The following IPPK variants were observed in gnomAD, a reference collection of about 807,000 sequenced individuals.
IPPK encodes the protein IPK1 homolog.
In IPPK, 22 loss-of-function variants were observed where a neutral mutation model predicts 64.6. The observed-to-expected ratio is 0.34, with a 90% confidence interval of 0.24 to 0.49. The LOEUF is 0.49. Ranked by LOEUF, IPPK falls within the 20% of genes least tolerant of loss-of-function variation. The pLI, the probability that IPPK is intolerant of heterozygous loss-of-function variation, is 0.99. For missense variants in IPPK, 532 were observed against 630.7 expected (o/e 0.84, Z 1.68); for synonymous variants, 262 against 247.2 (o/e 1.06, Z -0.56).
chr9:92,641,565 C>G (rs866477301), intron 7 of IPPK, among the ~76,000 whole-genome samples: 7 of 152,354 alleles, frequency 4.6e-5, no homozygotes, highest in Middle Eastern at 3.4e-3. Flanking sequence ...CCACATGGGA[C>G]CCACAGGTGA....
chr9:92,637,963 C>T (rs774589119), intron 9 of IPPK, 38 bp downstream of exon 9: 14 of 1,485,466 alleles, frequency 9.4e-6, no homozygotes, highest in Middle Eastern at 2.2e-4. Context: ...AAGGCCCCTG[C>T]GGCCCCCACC....
intron 4 of IPPK, among the ~76,000 whole-genome samples, chr9:92,652,204 C>T (rs1002785264): frequency 2.0e-5 from 3 of 152,002 alleles, no homozygotes; most frequent in Non-Finnish European, 2.9e-5. Context: ...AATCCCAGCA[C>T]TTTGGGAGGC....
At chr9:92,645,950 T>C (rs1035251609) in intron 6 of IPPK, among the ~76,000 whole-genome samples, 6 of 151,932 alleles carry the variant, frequency 3.9e-5, no homozygotes, top group African/African-American at 1.5e-4. Context: ...GGTAACTACA[T>C]AGGCAAATAT....
At chr9:92,637,410 G>T (rs1851961367) in intron 9 of IPPK, among the ~76,000 whole-genome samples, 1 of 152,232 alleles carries the variant, frequency 6.6e-6, no homozygotes, top group African/African-American at 2.4e-5. Flanking sequence ...AACCATCTCA[G>T]GCTCCCAGAG....
chr9:92,663,040 C>G (rs899341634), intron 1 of IPPK, among the ~76,000 whole-genome samples: 6 of 152,178 alleles, frequency 3.9e-5, no homozygotes, highest in African/African-American at 1.4e-4. Context: ...CGTGAGCACC[C>G]TTCAAGACAT....
At position 92,642,755 on chromosome 9, in the gene IPPK, G is replaced by A; in HGVS notation, c.560C>T (p.Ser187Leu). Residue 187 changes from serine to leucine, a missense_variant, in exon 7 of 13, where the codon TCA (serine) becomes TTA (leucine). By Grantham distance (145) the Ser-to-Leu change is moderately radical. Coordinates refer to ENST00000287996, the MANE Select transcript of IPPK (RefSeq NM_022755.6). ...ISKYCPLDLY[S>L]GNKQRMHFAL... ...CAAAGGAGAAGTGTTCTCTTACCCT[G>A]AGTAGAGATCAAGGGGACAGTATTT... is the stretch of plus-strand genomic sequence containing the variant. 6.2e-7 allele frequency: 1 copy of A among 1,613,764 alleles called. No individual in the cohort carries two copies. Among genetic ancestry groups the A allele is most frequent in the African/African-American group, 1.3e-5 (1 of 75,048 alleles).
chr9:92,652,083 T>C (rs1420329761), intron 4 of IPPK, among the ~76,000 whole-genome samples: 1 of 152,104 alleles, frequency 6.6e-6, no homozygotes, highest in African/African-American at 2.4e-5. Flanking sequence ...TGCTGTGGTT[T>C]TCTGATACAG....
At chr9:92,628,040 G>A (rs1324175063) in intron 11 of IPPK, among the ~76,000 whole-genome samples, 1 of 152,058 alleles carries the variant, frequency 6.6e-6, no homozygotes, top group Non-Finnish European at 1.5e-5. Context: ...TTCTACACCT[G>A]AATACACTTG....
chr9:92,640,645 G>T, intron 8 of IPPK, 65 bp downstream of exon 8: 12 of 1,062,160 alleles, frequency 1.1e-5, no homozygotes, highest in Non-Finnish European at 1.8e-5. Context: ...ACCCTCATCT[G>T]TGAGGTCACT....
At chr9:92,669,057 C>A (rs1852666572) in intron 1 of IPPK, among the ~76,000 whole-genome samples, 1 of 151,838 alleles carries the variant, frequency 6.6e-6, no homozygotes, top group African/African-American at 2.4e-5. Flanking sequence ...AACAATCCCA[C>A]AAAGTGAATT....
rs541224932 is a variant in IPPK at position 92,619,738 on chromosome 9, G to A, written c.1171-173C>T. 1.7e-5 allele frequency: 11 copies of A among 633,016 alleles called. No homozygotes were observed. In the African/African-American group the frequency reaches 1.8e-4, roughly 10 times the overall value. 39.2% of individuals were successfully genotyped at this position (633,016 alleles called of 1,614,324 possible). ...GGCGTCAGGAGGTCGCCCTGTGAGA[G>A]CACCTGGGCCAGCCCTCAGTGCCAC... On this transcript the variant is annotated intron_variant, in intron 11 of 12. Transcript: ENST00000287996.
chr9:92,651,891 C>G (rs946233934), intron 4 of IPPK, among the ~76,000 whole-genome samples: 2 of 151,804 alleles, frequency 1.3e-5, no homozygotes, highest in African/African-American at 4.8e-5. Context: ...AATTTTTGTA[C>G]ATATATATAT....
At chr9:92,664,110 G>A (rs1852544488) in intron 1 of IPPK, among the ~76,000 whole-genome samples, 5 of 152,224 alleles carry the variant, frequency 3.3e-5, no homozygotes, top group African/African-American at 9.6e-5. Flanking sequence ...AGGCTGCCCG[G>A]GGTCTGTCAG....
intron 1 of IPPK, among the ~76,000 whole-genome samples, chr9:92,661,807 T>A (rs1055205792): frequency 3.3e-5 from 5 of 152,236 alleles, no homozygotes; most frequent in African/African-American, 1.2e-4. Context: ...ACCTATTCTC[T>A]ACAGCCCATG....
intron 6 of IPPK, among the ~76,000 whole-genome samples, chr9:92,646,086 C>G (rs1852144990): frequency 6.6e-6 from 1 of 152,048 alleles, no homozygotes; most frequent in Non-Finnish European, 1.5e-5. Context: ...AATTTGTATC[C>G]CAATAACAGC....
At chr9:92,634,570 C>T (rs1413168246) in intron 10 of IPPK, 82 bp from the exon 11 acceptor site, 2 of 921,166 alleles carry the variant, frequency 2.2e-6, no homozygotes, top group Non-Finnish European at 3.6e-6. Flanking sequence ...CTACAAAGCC[C>T]AGCACCACTA....
chr9:92,619,551 G>A lies in IPPK; in HGVS notation c.1185C>T (p.Arg395=), dbSNP rs150074671. 1,148 of 1,586,098 alleles carry A rather than the reference G, an allele frequency of 7.2e-4. 9 individuals carry two copies. In the East Asian group the frequency reaches 0.024, roughly 33 times the overall value. ...AFALTKVQQY[R]VAMTAKDCSI... ...AGCAGTCCTTGGCAGTCATGGCGAC[G>A]CGGTACTGCTGCACCTGCAGGGGCG... The change falls in exon 12 of 13, where the codon CGC becomes CGT. Residue 395 remains arginine, a synonymous_variant. Transcript: ENST00000287996.
intron 1 of IPPK, among the ~76,000 whole-genome samples, chr9:92,660,407 C>T (rs1000224266): frequency 4.6e-5 from 7 of 152,238 alleles, no homozygotes; most frequent in Admixed American, 6.5e-5. Context: ...TCACACAGGG[C>T]AAACCCCGCC....
chr9:92,642,748 T>C lies in IPPK; in HGVS notation c.563+4A>G. 6.2e-7 allele frequency: 1 copy of C among 1,613,586 alleles called. No individual in the cohort carries two copies. Among genetic ancestry groups the C allele is most frequent in the Non-Finnish European group, 8.5e-7 (1 of 1,179,546 alleles). On this transcript the variant is annotated splice_donor_region_variant and intron_variant, in intron 7 of 12. Coordinates refer to ENST00000287996, the MANE Select transcript of IPPK (RefSeq NM_022755.6). ...AAGGGGGCAAAGGAGAAGTGTTCTC[T>C]TACCCTGAGTAGAGATCAAGGGGAC...
Sources: allele counts gnomAD v4.1 joint callset (sites outside exome capture counted in the v4.1 genomes callset), GRCh38; gene constraint gnomAD v4.1.1; transcripts MANE v1.5; gene names NCBI Gene and HGNC (gene_info 2026-07-23, HGNC 2026-07-21).